The following SOX6 variants were observed in gnomAD, a reference collection of about 807,000 sequenced individuals.
SOX6 encodes SRY-box transcription factor 6.
In SOX6, 11 loss-of-function variants were observed where a neutral mutation model predicts 97.8. That is an observed-to-expected ratio of 0.11 (90% CI 0.07 to 0.19). The LOEUF (loss-of-function observed/expected upper bound fraction) is 0.19, where lower values mean the gene tolerates loss of function less well. Among genes scored for constraint, SOX6 ranks in the 10% least tolerant of loss-of-function variants. The pLI is 1.00. For missense variants in SOX6, 810 were observed against 1,039.5 expected, an observed-to-expected ratio of 0.78 and a Z score of 3.04; for synonymous variants, 360 against 371.4, an observed-to-expected ratio of 0.97 and a Z score of 0.35.
chr11:16,406,967 CAGCTATTA>C (rs1858699684), intron 1 of SOX6, among the ~76,000 whole-genome samples: 1 of 152,088 alleles, frequency 6.6e-6, no homozygotes, highest in Non-Finnish European at 1.5e-5. Context: ...TTAAAAATTA[CAGCTATTA>C]AGCTGATCCT....
intron 2 of SOX6, among the ~76,000 whole-genome samples, chr11:16,733,717 A>G (rs890343709): frequency 1.9e-5 from 2 of 105,220 alleles, no homozygotes; most frequent in African/African-American, 6.7e-5. Flanking sequence ...CCCAGAACTT[A>G]AAGTATAAAA....
chr11:16,281,037 A>G (rs889957641), intron 3 of SOX6, among the ~76,000 whole-genome samples: 1 of 152,136 alleles, frequency 6.6e-6, no homozygotes, highest in Non-Finnish European at 1.5e-5. Flanking sequence ...TCAGCCCTCA[A>G]CAAAGTAGGA....
chr11:16,514,838 T>C (rs1448455505), intron 4 of SOX6, among the ~76,000 whole-genome samples: 1 of 151,706 alleles, frequency 6.6e-6, no homozygotes, highest in Non-Finnish European at 1.5e-5. Flanking sequence ...AGAATGATGA[T>C]TTCCAATTTC....
At chr11:16,115,042 TCTGTTCATCACACTCTGCAAAG>T (rs1458492275) in intron 6 of SOX6, among the ~76,000 whole-genome samples, 1 of 152,224 alleles carries the variant, frequency 6.6e-6, no homozygotes, top group East Asian at 1.9e-4. Flanking sequence ...TAAATTCATT[TCTGTTCATCACACTCTGCAAAG>T]AAAGCTATGT....
chr11:16,184,243 C>T (rs545726518), intron 5 of SOX6, among the ~76,000 whole-genome samples: 4 of 152,142 alleles, frequency 2.6e-5, no homozygotes, highest in Admixed American at 1.3e-4. Context: ...GAAATCGAAT[C>T]CTTGTAGAAT....
intron 3 of SOX6, among the ~76,000 whole-genome samples, chr11:16,266,276 T>C (rs1354838968): frequency 6.6e-6 from 1 of 151,676 alleles, no homozygotes; most frequent in Non-Finnish European, 1.5e-5. Flanking sequence ...GTGCAACATT[T>C]TTAAGTACTA....
intron 1 of SOX6, among the ~76,000 whole-genome samples, chr11:16,475,775 G>T (rs1017699986): frequency 3.3e-5 from 5 of 152,052 alleles, no homozygotes; most frequent in African/African-American, 9.7e-5. Context: ...ATGCAGGGTT[G>T]CCATAAACCT....
At chr11:16,340,510 A>T (rs1264372726) in intron 2 of SOX6, among the ~76,000 whole-genome samples, 2 of 152,098 alleles carry the variant, frequency 1.3e-5, no homozygotes. Flanking sequence ...TGCCCTTTTG[A>T]AATTAATATA....
chr11:16,256,187 C>G (rs1452810607), intron 3 of SOX6, among the ~76,000 whole-genome samples: 2 of 151,872 alleles, frequency 1.3e-5, no homozygotes, highest in Non-Finnish European at 2.9e-5. Flanking sequence ...GGAATCTTTC[C>G]TAACTCATTT....
chr11:16,015,220 T>C (rs1854849777), intron 12 of SOX6, 170 bp from the exon 13 acceptor site: 2 of 666,130 alleles, frequency 3.0e-6, no homozygotes, highest in Admixed American at 2.2e-5. Context: ...GTTTGTGACA[T>C]GGACAGCACT....
intron 12 of SOX6, among the ~76,000 whole-genome samples, chr11:16,038,680 C>A (rs2133895637): frequency 6.6e-6 from 1 of 152,012 alleles, no homozygotes; most frequent in East Asian, 1.9e-4. Flanking sequence ...CTTCACATGT[C>A]TAATACTATG....
intron 3 of SOX6, among the ~76,000 whole-genome samples, chr11:16,681,688 A>G (rs1309889009): frequency 1.3e-5 from 2 of 152,198 alleles, no homozygotes; most frequent in Non-Finnish European, 2.9e-5. Flanking sequence ...TTTTGTGAAA[A>G]GATCAACAAA....
intron 3 of SOX6, among the ~76,000 whole-genome samples, chr11:16,247,002 TC>T (rs1262318741): frequency 6.6e-6 from 1 of 152,168 alleles, no homozygotes; most frequent in African/African-American, 2.4e-5. Context: ...AAATACTAGC[TC>T]TTTTTCATTA....
At position 15,992,813 on chromosome 11, in the gene SOX6, T is replaced by C. The variant is rs565922711; in HGVS notation, c.1733-3583A>G. Among the ~76,000 whole-genome samples, 5 of 152,340 alleles carry C rather than the reference T, an allele frequency of 3.3e-5. No individual in the cohort carries two copies. In the South Asian group the frequency reaches 6.2e-4, roughly 19 times the overall value. On this transcript the variant is annotated intron_variant, in intron 13 of 15. Coordinates refer to ENST00000683767, the MANE Select transcript of SOX6 (RefSeq NM_001367873.1). ...TATATGGAACTCACTGAAGCATCCA[T>C]ATGAGTACTATGCAGAAAGATAGAT...
At chr11:16,124,841 G>A (rs1029949127) in intron 6 of SOX6, among the ~76,000 whole-genome samples, 2 of 151,968 alleles carry the variant, frequency 1.3e-5, no homozygotes, top group African/African-American at 4.8e-5. Context: ...GACTATAATA[G>A]GGCAAGAATG....
At chr11:16,695,117 A>G (rs887148000) in intron 3 of SOX6, among the ~76,000 whole-genome samples, 2 of 152,282 alleles carry the variant, frequency 1.3e-5, no homozygotes, top group East Asian at 1.9e-4. Context: ...AGTTCCCCAG[A>G]AAGAAGCCAG....
At chr11:16,177,621 ATCTC>A (rs71044087) in intron 6 of SOX6, among the ~76,000 whole-genome samples, 108 of 145,496 alleles carry the variant, frequency 7.4e-4, no homozygotes, top group East Asian at 2.0e-3. Context: ...GAATAAGATG[ATCTC>A]TCTCTCTCTC....
chr11:16,378,333 G>A (rs987902500), intron 1 of SOX6, among the ~76,000 whole-genome samples: 1 of 152,072 alleles, frequency 6.6e-6, no homozygotes, highest in African/African-American at 2.4e-5. Flanking sequence ...GGAAGTGGGG[G>A]TAGGGGGAAA....
chr11:16,001,482 C>T (rs751466420), intron 13 of SOX6, among the ~76,000 whole-genome samples: 5 of 152,104 alleles, frequency 3.3e-5, no homozygotes, highest in Non-Finnish European at 7.3e-5. Flanking sequence ...AGTTCTAGAA[C>T]GTAGATCTTC....
Sources: allele counts gnomAD v4.1 joint callset (sites outside exome capture counted in the v4.1 genomes callset), GRCh38; gene constraint gnomAD v4.1.1; transcripts MANE v1.5; gene names NCBI Gene and HGNC (gene_info 2026-07-23, HGNC 2026-07-21).